EPHA1: variants seen among roughly 807,000 people sequenced by gnomAD.
The protein encoded by EPHA1 is EPH receptor A1.
EPHA1 carries 92 observed loss-of-function variants against 110.1 expected under a neutral mutation model. That is an observed-to-expected ratio of 0.84 (90% CI 0.71 to 0.99). EPHA1 has a LOEUF of 0.99. Ranked by LOEUF, EPHA1 falls within the 50% of genes least tolerant of loss-of-function variation. The pLI, the probability that EPHA1 is intolerant of heterozygous loss-of-function variation, is 0.00. For synonymous variants in EPHA1, 500 were observed against 516.1 expected (o/e 0.97, Z 0.42); for missense variants, 1,204 against 1,285.4 (o/e 0.94, Z 0.97).
At chr7:143,407,582 C>T in intron 2 of EPHA1, 29 bp downstream of exon 2, 1 of 1,610,976 alleles carries the variant, frequency 6.2e-7, no homozygotes, top group Non-Finnish European at 8.5e-7. Flanking sequence ...CAGGAGTTTT[C>T]CAAGATCCTT....
At position 143,398,060 on chromosome 7, in the gene EPHA1, C is replaced by T. The variant is rs11768549; in HGVS notation, c.1475G>A (p.Arg492Gln). Residue 492 changes from arginine to glutamine, a missense_variant, in exon 8 of 18, where the codon CGG (arginine) becomes CAG (glutamine). Transcript: ENST00000275815. The part of the protein sequence containing the change: ...ELHVLNQDEE[R>Q]YQMVLEPRVL... ...CCTGGGTTCTAGAACCATCTGGTACCGTTCTTCATCCTGTGGGTTGGAGTT... is the reference window on the plus strand; with the variant it reads ...CCTGGGTTCTAGAACCATCTGGTACTGTTCTTCATCCTGTGGGTTGGAGTT... 0.016 allele frequency: 26,549 copies of T among 1,614,006 alleles called. 275 individuals carry two copies. Among genetic ancestry groups the T allele is most frequent in the Non-Finnish European group, 0.02 (23,091 of 1,179,938 alleles).
chr7:143,400,095 C>G lies in EPHA1; in HGVS notation c.433-42G>C, dbSNP rs773918604. The G allele has an allele frequency of 3.9e-6, 6 of 1,543,944 alleles. No homozygotes were observed. The South Asian group carries it at 5.0e-5, about 13-fold the overall frequency. ...GAAGAAAGGGGAGCAATGGCAAAGT[C>G]CTGCTTCTTTCCCACATAACAGAAA... is the stretch of plus-strand genomic sequence containing the variant. On this transcript the variant is annotated intron_variant, in intron 3 of 17. Coordinates refer to ENST00000275815, the MANE Select transcript of EPHA1 (RefSeq NM_005232.5).
intron 2 of EPHA1, among the ~76,000 whole-genome samples, chr7:143,405,071 AG>A (rs1313812934): frequency 6.6e-6 from 1 of 151,944 alleles, no homozygotes; most frequent in African/African-American, 2.4e-5. Flanking sequence ...TATGTTAGGG[AG>A]TTCAAAGATT....
At position 143,395,570 on chromosome 7, in the gene EPHA1, AC is replaced by A; in HGVS notation, c.1898-67del. The A allele has an allele frequency of 6.5e-7, 1 of 1,532,174 alleles. No homozygotes were observed. Among genetic ancestry groups the A allele is most frequent in the Non-Finnish European group, 8.9e-7 (1 of 1,120,060 alleles). 94.9% of individuals were successfully genotyped at this position (1,532,174 alleles called of 1,614,324 possible). Reference sequence around the variant, plus strand: ...GGGCTCCTCCAGGGGACAGGCAGCAACCCCTCCAGTCCTCCGGCCCTTTTCT... The same window carrying A: ...GGGCTCCTCCAGGGGACAGGCAGCAACCCTCCAGTCCTCCGGCCCTTTTCT... On this transcript the variant is annotated intron_variant, in intron 11 of 17. Coordinates refer to ENST00000275815, the MANE Select transcript of EPHA1 (RefSeq NM_005232.5). The surrounding 1 kb of genome is among the most constrained non-coding windows in gnomAD (Gnocchi z 4.7).
intron 2 of EPHA1, among the ~76,000 whole-genome samples, chr7:143,406,738 C>T (rs1805561057): frequency 1.3e-5 from 2 of 152,172 alleles, no homozygotes; most frequent in South Asian, 4.1e-4. Flanking sequence ...CCAGAGAGAA[C>T]TGACTGCAGG....
At position 143,397,294 on chromosome 7, in the gene EPHA1, C is replaced by A. The variant is rs1184293758; in HGVS notation, c.1771+10G>T. 4.5e-6 allele frequency: 7 copies of A among 1,547,836 alleles called. No homozygotes were observed. The East Asian group carries it at 9.8e-5, about 22-fold the overall frequency. On this transcript the variant is annotated intron_variant, in intron 10 of 17. Coordinates refer to ENST00000275815, the MANE Select transcript of EPHA1 (RefSeq NM_005232.5). ...GCATGTGGGGACACACGCAGGTGCA[C>A]CCGACTCACCTCGATCCACATCGGT... is the stretch of plus-strand genomic sequence containing the variant.
chr7:143,391,418 C>G lies in EPHA1; in HGVS notation c.*39G>C. ...ATGAGCGACCTTGGCCCCGTCCTTG[C>G]TCCTTGCACCCTGATTGGGCATGGG... On this transcript the variant is annotated 3_prime_UTR_variant, in exon 18 of 18. Transcript: ENST00000275815. 6.2e-7 allele frequency: 1 copy of G among 1,612,334 alleles called. No homozygotes were observed. Among genetic ancestry groups the G allele is most frequent in the Non-Finnish European group, 8.5e-7 (1 of 1,179,114 alleles).
chr7:143,391,582 C>G (rs145434882), intron 17 of EPHA1, 38 bp downstream of exon 17: 2 of 1,613,980 alleles, frequency 1.2e-6, no homozygotes, highest in African/African-American at 1.3e-5. Flanking sequence ...GCTCCACCCC[C>G]GCAGCCCTCC....
Position 143,393,122 on chromosome 7 carries a change from C to G in EPHA1, c.2696+549G>C, listed in dbSNP as rs1205220743. ...CAGCCCTCAGCTCCCCACAGACTAG[C>G]CATGTGATCCAGAAGCCTTCCCAAA... On this transcript the variant is annotated intron_variant, in intron 16 of 17. Coordinates refer to ENST00000275815, the MANE Select transcript of EPHA1 (RefSeq NM_005232.5). This position sits in a 1 kb window ranked among gnomAD's most constrained non-coding sequence, Gnocchi z 5.6. 6.6e-6 allele frequency among the ~76,000 whole-genome samples: 1 copy of G among 152,144 alleles called. No individual in the cohort carries two copies.
At position 143,399,643 on chromosome 7, in the gene EPHA1, G is replaced by A. The variant is rs149923216; in HGVS notation, c.835+8C>T. On this transcript the variant is annotated splice_region_variant and intron_variant, in intron 4 of 17. Transcript: ENST00000275815. ...GGTTCCTCAGGTTCTCACCGCCTCCGTTCTTACCAACACATGCTTCGCCAC... is the reference window on the plus strand; with the variant it reads ...GGTTCCTCAGGTTCTCACCGCCTCCATTCTTACCAACACATGCTTCGCCAC... 1,352 of 1,612,774 alleles carry A rather than the reference G, an allele frequency of 8.4e-4. 7 individuals carry two copies. The African/African-American group carries it at 0.016, about 19-fold the overall frequency.
At chr7:143,408,675 G>A in intron 1 of EPHA1, 49 bp downstream of exon 1, 1 of 432,700 alleles carries the variant, frequency 2.3e-6, no homozygotes, top group Admixed American at 4.5e-5. Flanking sequence ...CCGGGCCCCG[G>A]GAAGGGGCGG....
intron 16 of EPHA1, among the ~76,000 whole-genome samples, chr7:143,392,522 G>A (rs982374395): frequency 6.6e-6 from 1 of 152,190 alleles, no homozygotes; most frequent in Non-Finnish European, 1.5e-5. Flanking sequence ...TTGAAGAACA[G>A]CCTTGCCTGC....
rs767837551 is a variant in EPHA1, at chr7:143,398,657, C to A, written c.1280G>T (p.Gly427Val). ...GCTGGCATGGCCAGAGCTGCCCAGCCCTGACACTCCATTTTGGGCTTCCAC... is the reference window on the plus strand; with the variant it reads ...GCTGGCATGGCCAGAGCTGCCCAGCACTGACACTCCATTTTGGGCTTCCAC... ...FNVEAQNGVS[G>V]LGSSGHASTS... The change falls in exon 6 of 18, where the codon GGG (glycine) becomes GTG (valine). Residue 427 changes from glycine to valine, a missense_variant. Physicochemically the swap from Gly to Val is moderately radical, Grantham distance 109 (BLOSUM62 -3). Coordinates refer to ENST00000275815, the MANE Select transcript of EPHA1 (RefSeq NM_005232.5). The A allele has an allele frequency of 3.1e-6, 5 of 1,614,130 alleles. No individual in the cohort carries two copies. In the South Asian group the frequency reaches 4.4e-5, roughly 14 times the overall value.
At position 143,399,767 on chromosome 7, in the gene EPHA1, C is replaced by G; in HGVS notation, c.719G>C (p.Arg240Thr). Residue 240 changes from arginine (R) to threonine (T), a missense_variant, in exon 4 of 18, where the codon AGG (arginine) becomes ACG (threonine). Physicochemically the swap from Arg to Thr is moderately conservative, Grantham distance 71. Transcript: ENST00000275815. The stretch of plus-strand genomic sequence containing the variant: ...GTGCATGCGGGGTGCACCTGAGGGC[C>G]TGGGGCTGGCCCGCGCGTGGGGCAA... ...TCLPHARASP[R>T]PSGAPRMHCS... The G allele has an allele frequency of 6.2e-7, 1 of 1,613,080 alleles. No homozygotes were observed. Among genetic ancestry groups the G allele is most frequent in the South Asian group, 1.1e-5 (1 of 90,966 alleles).
chr7:143,397,246 C>A (rs1383798269), intron 10 of EPHA1, 58 bp downstream of exon 10: 30 of 1,501,588 alleles, frequency 2.0e-5, no homozygotes, highest in Non-Finnish European at 2.5e-5. Flanking sequence ...CACACACACA[C>A]ACGCACACAC....
At chr7:143,397,478 T>C in intron 9 of EPHA1, 83 bp downstream of exon 9, 1 of 1,591,976 alleles carries the variant, frequency 6.3e-7, no homozygotes, top group East Asian at 2.2e-5. Context: ...GTTTTGATAC[T>C]AGGGGATGGG....
Position 143,395,091 on chromosome 7 carries a change from CCT to C in EPHA1, c.2145+28_2145+29del. ...TGCCCAGGGTACCATGGTGCATCCC[CCT>C]CCCCAGCTAGTCCTCTGCCCTCCTC... On this transcript the variant is annotated intron_variant, in intron 13 of 17. Transcript: ENST00000275815. The surrounding 1 kb of genome is among the most constrained non-coding windows in gnomAD (Gnocchi z 4.7). The C allele has an allele frequency of 6.2e-7, 1 of 1,614,014 alleles. No individual in the cohort carries two copies. The highest frequency in any genetic ancestry group is 1.1e-5 in the South Asian group (1 of 91,080).
chr7:143,407,214 T>C (rs1162171297), intron 2 of EPHA1, among the ~76,000 whole-genome samples: 1 of 152,174 alleles, frequency 6.6e-6, no homozygotes, highest in Non-Finnish European at 1.5e-5. Flanking sequence ...GCAACTTCAT[T>C]GGGATGAATG....
chr7:143,398,583 C>A lies in EPHA1; in HGVS notation c.1336+18G>T. The A allele has an allele frequency of 6.2e-7, 1 of 1,609,584 alleles. No homozygotes were observed. The highest frequency in any genetic ancestry group is 8.5e-7 in the Non-Finnish European group (1 of 1,176,948). ...TGTCTCCACCAGGTCCCTGTCCCAG[C>A]CCCTCTCAGCCTCTCACCTGCATGC... On this transcript the variant is annotated intron_variant, in intron 6 of 17. Transcript: ENST00000275815.
Sources: gnomAD v4.1 joint callset for allele counts (sites outside exome capture counted in the v4.1 genomes callset) on GRCh38, gnomAD v4.1.1 for gene constraint, Gnocchi (gnomAD v3.1) non-coding constraint, MANE v1.5 for transcripts, NCBI Gene and HGNC (gene_info 2026-07-23, HGNC 2026-07-21) for gene names.